Variants in SLF1 observed in about 807,000 individuals in gnomAD.
SLF1 encodes SMC5/6 complex localization factor 1.
SLF1 carries 105 observed loss-of-function variants against 123.0 expected under a neutral mutation model. The observed-to-expected ratio is 0.85, with a 90% confidence interval of 0.73 to 1.00. The LOEUF (loss-of-function observed/expected upper bound fraction) is 1.00. Ranked by LOEUF, SLF1 falls within the 50% of genes least tolerant of loss-of-function variation. The pLI is 0.00. For missense variants in SLF1, 1,239 were observed against 1,223.0 expected, an observed-to-expected ratio of 1.01 and a Z score of -0.20; for synonymous variants, 434 against 406.6, an observed-to-expected ratio of 1.07 and a Z score of -0.81.
chr5:94,639,741 A>G (rs1746236668), intron 4 of SLF1, among the ~76,000 whole-genome samples: 2 of 152,248 alleles, frequency 1.3e-5, no homozygotes. Flanking sequence ...CTATTCATTA[A>G]GTGAAAGTGG....
intron 1 of SLF1, among the ~76,000 whole-genome samples, chr5:94,628,378 C>T (rs921845614): frequency 5.3e-5 from 8 of 152,200 alleles, no homozygotes; most frequent in African/African-American, 1.9e-4. Context: ...ACCTCGTGAT[C>T]CGCCGGCCTC....
intron 4 of SLF1, among the ~76,000 whole-genome samples, chr5:94,638,520 C>T (rs991040503): frequency 1.5e-4 from 23 of 152,280 alleles, no homozygotes; most frequent in East Asian, 9.7e-4. Flanking sequence ...TCTAGCTGTG[C>T]CATTACCCCT....
At chr5:94,673,464 C>A (rs1215331018) in intron 14 of SLF1, among the ~76,000 whole-genome samples, 1 of 151,876 alleles carries the variant, frequency 6.6e-6, no homozygotes. Context: ...TGCTTGCGGC[C>A]AGGAGCTCAA....
At chr5:94,623,682 A>T (rs573469758) in intron 1 of SLF1, among the ~76,000 whole-genome samples, 1 of 152,098 alleles carries the variant, frequency 6.6e-6, no homozygotes, top group Non-Finnish European at 1.5e-5. Context: ...TACCTCAGAC[A>T]TATCACTTAC....
At chr5:94,650,117 T>C (rs6883326) in intron 6 of SLF1, among the ~76,000 whole-genome samples, 33,821 of 151,998 alleles carry the variant, frequency 0.22, 3,879 homozygotes, top group East Asian at 0.34. Flanking sequence ...ACTTTTCAAA[T>C]AGCAGTAGCA....
intron 12 of SLF1, among the ~76,000 whole-genome samples, chr5:94,666,824 T>TA (rs1220718974): frequency 6.6e-6 from 1 of 152,148 alleles, no homozygotes; most frequent in African/African-American, 2.4e-5. Flanking sequence ...TTTTCATTTT[T>TA]AGTAGAGATG....
chr5:94,666,153 T>A, intron 12 of SLF1, 129 bp downstream of exon 12: 1 of 814,028 alleles, frequency 1.2e-6, no homozygotes, highest in Non-Finnish European at 1.8e-6. Context: ...TACAAATATG[T>A]ATTGTATTTA....
chr5:94,670,594 C>T (rs1585195637), intron 13 of SLF1, among the ~76,000 whole-genome samples: 2 of 151,686 alleles, frequency 1.3e-5, no homozygotes, highest in South Asian at 4.2e-4. Flanking sequence ...AAACACTGAG[C>T]CTACAATGGT....
chr5:94,655,390 G>T (rs924305980), intron 9 of SLF1, among the ~76,000 whole-genome samples: 13 of 151,970 alleles, frequency 8.6e-5, no homozygotes, highest in African/African-American at 2.9e-4. Flanking sequence ...ATTGCTTTGG[G>T]TATTTATAGT....
intron 14 of SLF1, among the ~76,000 whole-genome samples, chr5:94,677,324 G>A (rs1585210399): frequency 6.6e-6 from 1 of 152,002 alleles, no homozygotes; most frequent in Non-Finnish European, 1.5e-5. Flanking sequence ...TAGGCTTGTT[G>A]GATATGTGAA....
intron 12 of SLF1, among the ~76,000 whole-genome samples, chr5:94,669,483 G>A (rs1234505455): frequency 6.6e-6 from 1 of 151,972 alleles, no homozygotes; most frequent in Non-Finnish European, 1.5e-5. Flanking sequence ...ATTCTCTTTA[G>A]AAATATATTA....
Position 94,697,070 on chromosome 5 carries a change from C to T in SLF1, c.*1758C>T, listed in dbSNP as rs1054647209. ...AGTTTTCCAAATTAGATGTTCATAA[C>T]GTATATTTGTTTAATTGCAATTAGC... is the stretch of plus-strand genomic sequence containing the variant. On this transcript the variant is annotated 3_prime_UTR_variant, in exon 21 of 21. Coordinates refer to ENST00000265140, the MANE Select transcript of SLF1 (RefSeq NM_032290.4). The T allele has an allele frequency of 5.3e-5, 8 of 151,712 alleles. No individual in the cohort carries two copies. Among genetic ancestry groups the T allele is most frequent in the East Asian group, 1.9e-4 (1 of 5,142 alleles). The allele number at this position is 151,712 out of a possible 1,614,324, so 9.4% of individuals were successfully genotyped here.
In SLF1 at chr5:94,665,895, A is replaced by C. The variant is rs769454262; in HGVS notation, c.1403A>C (p.His468Pro). Residue 468 changes from histidine (H) to proline (P), a missense_variant, in exon 12 of 21, where the codon CAT (histidine) becomes CCT (proline). Physicochemically the swap from His to Pro is moderately conservative, Grantham distance 77. Coordinates refer to ENST00000265140, the MANE Select transcript of SLF1 (RefSeq NM_032290.4). ...GATACATTTTCTGGTCGATACTTTC[A>C]TATATTGTCAGCTCTTCTTCACCTG... ...NIDTFSGRYF[H>P]ILSALLHLHP... 8 of 1,548,722 alleles carry C rather than the reference A, an allele frequency of 5.2e-6. No individual in the cohort carries two copies. The highest frequency in any genetic ancestry group is 7.0e-6 in the Non-Finnish European group (8 of 1,144,262).
At chr5:94,622,828 G>A (rs73134696) in intron 1 of SLF1, among the ~76,000 whole-genome samples, 12,403 of 151,968 alleles carry the variant, frequency 0.082, 560 homozygotes, top group South Asian at 0.12. Context: ...GGGTAGGGCT[G>A]GTTATAAAAG....
At chr5:94,659,346 G>C (rs1292896128) in intron 9 of SLF1, among the ~76,000 whole-genome samples, 4 of 151,500 alleles carry the variant, frequency 2.6e-5, no homozygotes, top group Admixed American at 1.3e-4. Flanking sequence ...TTTCCTTTTT[G>C]TTGGAATCTG....
intron 9 of SLF1, among the ~76,000 whole-genome samples, chr5:94,661,808 A>G (rs1170213263): frequency 6.6e-6 from 1 of 152,160 alleles, no homozygotes; most frequent in Non-Finnish European, 1.5e-5. Flanking sequence ...AAGTGCTGGG[A>G]TTACAGGTGT....
intron 6 of SLF1, among the ~76,000 whole-genome samples, chr5:94,650,220 GTTAAT>G (rs1214546377): frequency 2.0e-5 from 3 of 152,022 alleles, no homozygotes; most frequent in African/African-American, 7.2e-5. Flanking sequence ...AGTCTATTTG[GTTAAT>G]TTATCAAATT....
chr5:94,640,240 G>A (rs985714011), intron 4 of SLF1, among the ~76,000 whole-genome samples: 8 of 152,088 alleles, frequency 5.3e-5, no homozygotes, highest in African/African-American at 1.7e-4. Flanking sequence ...ATTTTTGGAA[G>A]ATATTTTTAC....
chr5:94,619,332 C>G (rs1362297300), intron 1 of SLF1, among the ~76,000 whole-genome samples: 1 of 151,912 alleles, frequency 6.6e-6, no homozygotes, highest in African/African-American at 2.4e-5. Context: ...CTATCTCTGA[C>G]TGCTATAGGC....
Sources: allele counts gnomAD v4.1 joint callset (sites outside exome capture counted in the v4.1 genomes callset), GRCh38; gene constraint gnomAD v4.1.1; transcripts MANE v1.5; gene names NCBI Gene and HGNC (gene_info 2026-07-23, HGNC 2026-07-21).